The following SCEL variants were observed in gnomAD, a reference collection of about 807,000 sequenced individuals.
The protein encoded by SCEL is sciellin.
A neutral mutation model predicts 117.6 loss-of-function variants in SCEL; 113 were observed. That is an observed-to-expected ratio of 0.96 (90% CI 0.83 to 1.12). SCEL has a LOEUF of 1.12. Among genes scored for constraint, SCEL ranks in the 50% most tolerant of loss-of-function variants. The pLI is 0.00. For synonymous variants in SCEL, 270 were observed against 256.2 expected (o/e 1.05, Z -0.51); for missense variants, 785 against 810.8 (o/e 0.97, Z 0.39).
chr13:77,612,096 T>C (rs894407104), intron 22 of SCEL, among the ~76,000 whole-genome samples: 2 of 152,126 alleles, frequency 1.3e-5, no homozygotes, highest in Non-Finnish European at 2.9e-5. Flanking sequence ...AATGAACCTA[T>C]AGATTAGTCC....
chr13:77,603,344 C>G (rs1400218860), intron 18 of SCEL, among the ~76,000 whole-genome samples: 1 of 151,966 alleles, frequency 6.6e-6, no homozygotes, highest in Non-Finnish European at 1.5e-5. Context: ...GCCTTTTTGC[C>G]CAGATTTTGG....
At chr13:77,563,464 T>G (rs563984086) in intron 4 of SCEL, among the ~76,000 whole-genome samples, 1 of 152,200 alleles carries the variant, frequency 6.6e-6, no homozygotes, top group African/African-American at 2.4e-5. Flanking sequence ...AAAGATTGAG[T>G]TCCTATTATG....
At chr13:77,612,785 A>G (rs1192322166) in intron 22 of SCEL, 106 bp from the exon 23 acceptor site, 1 of 605,074 alleles carries the variant, frequency 1.7e-6, no homozygotes, top group African/African-American at 1.9e-5. Flanking sequence ...TTAAGTATAG[A>G]TGAAGTTTTA....
At chr13:77,620,530 T>C (rs1379229589) in intron 27 of SCEL, among the ~76,000 whole-genome samples, 1 of 152,210 alleles carries the variant, frequency 6.6e-6, no homozygotes, top group Non-Finnish European at 1.5e-5. Context: ...GATCAGAATG[T>C]AAGCAGGCAT....
chr13:77,644,293 A>G lies in SCEL; in HGVS notation c.*19A>G. The G allele has an allele frequency of 6.2e-7, 1 of 1,612,500 alleles. No individual in the cohort carries two copies. ...TCCATAACTCTGGCACAAGGAAATC[A>G]AGATGAAAAGCACTCATTAAGGAAT... is the stretch of plus-strand genomic sequence containing the variant. On this transcript the variant is annotated 3_prime_UTR_variant, in exon 33 of 33. Coordinates refer to ENST00000349847, the MANE Select transcript of SCEL (RefSeq NM_144777.3).
intron 27 of SCEL, 101 bp downstream of exon 27, chr13:77,618,161 C>A: frequency 1.2e-6 from 1 of 856,344 alleles, no homozygotes; most frequent in South Asian, 1.4e-5. Context: ...TCCCTTACTC[C>A]TTTCCTCCCT....
chr13:77,578,471 G>T (rs1338636249), intron 9 of SCEL, among the ~76,000 whole-genome samples: 1 of 152,116 alleles, frequency 6.6e-6, no homozygotes, highest in African/African-American at 2.4e-5. Flanking sequence ...GTCCTTTTTG[G>T]CCCCAAACGT....
rs748237672 is a variant in SCEL, at chr13:77,642,746, G to C, written c.1988G>C (p.Gly663Ala). The change falls in exon 32 of 33, where the codon GGT (glycine) becomes GCT (alanine). Residue 663 changes from glycine (G) to alanine (A), a missense_variant. Transcript: ENST00000349847. The stretch of plus-strand genomic sequence containing the variant: ...CAGCCTTTGGAAAATCTACAAGCGG[G>C]TGATAGTATTTGGATTTATAGACAG... ...CKQPLENLQA[G>A]DSIWIYRQTI... 6.2e-7 allele frequency: 1 copy of C among 1,606,322 alleles called. No individual in the cohort carries two copies. Among genetic ancestry groups the C allele is most frequent in the Non-Finnish European group, 8.5e-7 (1 of 1,176,032 alleles).
At chr13:77,567,900 G>T in intron 6 of SCEL, 152 bp downstream of exon 6, 1 of 568,184 alleles carries the variant, frequency 1.8e-6, no homozygotes, top group African/African-American at 1.9e-5. Context: ...ATAAAACCTT[G>T]TTGTTTAGCT....
intron 4 of SCEL, among the ~76,000 whole-genome samples, chr13:77,562,605 T>C (rs1466687771): frequency 1.3e-5 from 2 of 152,236 alleles, no homozygotes; most frequent in Non-Finnish European, 2.9e-5. Flanking sequence ...AAACCTCTTT[T>C]ATGGCACTCA....
intron 1 of SCEL, among the ~76,000 whole-genome samples, chr13:77,550,407 TA>T (rs2084247420): frequency 6.8e-6 from 1 of 147,902 alleles, no homozygotes; most frequent in African/African-American, 2.5e-5. Flanking sequence ...TATATATATA[TA>T]TATATTATAT....
rs2088852106 is a variant in SCEL at position 77,613,963 on chromosome 13, A to G, written c.1451+8A>G. On this transcript the variant is annotated splice_region_variant and intron_variant, in intron 24 of 32. Transcript: ENST00000349847. The stretch of plus-strand genomic sequence containing the variant: ...TGTCAAAAACACTGATGGGTAAGAG[A>G]TGGATGTGATTTTTGTTGTGTTTCT... The G allele has an allele frequency of 6.2e-7, 1 of 1,609,314 alleles. No individual in the cohort carries two copies. Among genetic ancestry groups the G allele is most frequent in the Non-Finnish European group, 8.5e-7 (1 of 1,176,488 alleles).
intron 9 of SCEL, among the ~76,000 whole-genome samples, chr13:77,578,058 C>T (rs1218512498): frequency 6.6e-6 from 1 of 152,104 alleles, no homozygotes; most frequent in Non-Finnish European, 1.5e-5. Context: ...TTAAATTTTT[C>T]TTGTGTAGTC....
intron 27 of SCEL, among the ~76,000 whole-genome samples, chr13:77,620,342 T>C (rs1004032505): frequency 1.3e-5 from 2 of 152,172 alleles, no homozygotes; most frequent in Non-Finnish European, 1.5e-5. Flanking sequence ...ATTTTAAAAG[T>C]GCCTCCCAGT....
chr13:77,601,328 A>C (rs932651416), intron 15 of SCEL, among the ~76,000 whole-genome samples: 6 of 152,130 alleles, frequency 3.9e-5, no homozygotes, highest in Non-Finnish European at 1.5e-5. Context: ...GGAATAACTG[A>C]TCTTGTCTGC....
At chr13:77,580,602 GC>G (rs2086214029) in intron 9 of SCEL, among the ~76,000 whole-genome samples, 1 of 152,100 alleles carries the variant, frequency 6.6e-6, no homozygotes, top group Non-Finnish European at 1.5e-5. Context: ...TGGTTAAATG[GC>G]ATGTAAAGCT....
At chr13:77,601,960 C>A (rs1481876760) in intron 15 of SCEL, 105 bp from the exon 16 acceptor site, 3 of 809,148 alleles carry the variant, frequency 3.7e-6, no homozygotes, top group African/African-American at 3.5e-5. Flanking sequence ...TTATGAGATT[C>A]TCTTGTGGGA....
chr13:77,563,944 A>G (rs746381193), intron 5 of SCEL, 45 bp downstream of exon 5: 11 of 1,257,320 alleles, frequency 8.7e-6, no homozygotes, highest in Admixed American at 2.6e-5. Flanking sequence ...TAACATATTA[A>G]ATACATTTTC....
At chr13:77,593,474 C>G in intron 11 of SCEL, 40 bp from the exon 12 acceptor site, 1 of 1,488,980 alleles carries the variant, frequency 6.7e-7, no homozygotes, top group South Asian at 1.2e-5. Flanking sequence ...AAAAATAGCT[C>G]GACTATCATT....
Sources: allele counts gnomAD v4.1 joint callset (sites outside exome capture counted in the v4.1 genomes callset), GRCh38; gene constraint gnomAD v4.1.1; transcripts MANE v1.5; gene names NCBI Gene and HGNC (gene_info 2026-07-23, HGNC 2026-07-21).